GPM6A: variants seen among roughly 807,000 people sequenced by gnomAD.
GPM6A encodes the protein neuronal membrane glycoprotein M6-a.
Under a neutral mutation model 32.1 loss-of-function variants are expected in GPM6A, and 7 were observed. The observed-to-expected ratio is 0.22, with a 90% CI of 0.12 to 0.41. The LOEUF is 0.41. GPM6A is among the 10% of genes least tolerant of loss of function. GPM6A has a pLI of 1.00. For synonymous variants in GPM6A, 130 were observed against 123.4 expected (o/e 1.05, Z -0.35); for missense variants, 235 against 347.2 (o/e 0.68, Z 2.57).
At chr4:176,002,204 G>A (rs1472233692) in intron 1 of GPM6A, 4 of 1,238,462 alleles carry the variant, frequency 3.2e-6, no homozygotes, top group East Asian at 2.5e-5. Context: ...AACAGAGCTG[G>A]GAAGGACGCA....
At chr4:175,719,282 T>G (rs986089898) in intron 1 of GPM6A, among the ~76,000 whole-genome samples, 1 of 151,768 alleles carries the variant, frequency 6.6e-6, no homozygotes, top group Non-Finnish European at 1.5e-5. Context: ...CACTGCAACC[T>G]CTGCCTCCTG....
At chr4:175,803,572 A>G (rs569299259) in intron 1 of GPM6A, among the ~76,000 whole-genome samples, 44 of 152,284 alleles carry the variant, frequency 2.9e-4, no homozygotes, top group Non-Finnish European at 5.3e-4. Flanking sequence ...CCTAGTCTTT[A>G]TTACATCTAA....
chr4:175,978,714 T>C (rs902671219), intron 1 of GPM6A, among the ~76,000 whole-genome samples: 1 of 152,232 alleles, frequency 6.6e-6, no homozygotes, highest in Non-Finnish European at 1.5e-5. Flanking sequence ...TGGATTCAAG[T>C]ACTATAGGTT....
intron 1 of GPM6A, among the ~76,000 whole-genome samples, chr4:175,896,606 G>C (rs935817293): frequency 3.3e-5 from 5 of 151,978 alleles, no homozygotes; most frequent in Non-Finnish European, 5.9e-5. Context: ...ACTCCAAAAG[G>C]CTTCTGTTTC....
At chr4:175,983,454 T>G (rs538730047) in intron 1 of GPM6A, among the ~76,000 whole-genome samples, 128 of 152,320 alleles carry the variant, frequency 8.4e-4, no homozygotes, top group African/African-American at 2.8e-3. Context: ...TTAAGGAAGT[T>G]TACTTCTATT....
In GPM6A at chr4:175,633,392, C is replaced by T. The variant is rs908403519; in HGVS notation, c.*1513G>A. The T allele has an allele frequency of 6.6e-6, 1 of 152,388 alleles. No homozygotes were observed. Among genetic ancestry groups the T allele is most frequent in the Non-Finnish European group, 1.5e-5 (1 of 67,908 alleles). The allele number at this position is 152,388 out of a possible 1,614,324, so 9.4% of individuals were successfully genotyped here. A position where few individuals can be genotyped will look rare whatever the true frequency, so the allele number is the denominator to read the frequency against. On this transcript the variant is annotated 3_prime_UTR_variant, in exon 7 of 7. Coordinates refer to ENST00000393658, the MANE Select transcript of GPM6A (RefSeq NM_201591.3). ...TATCCCTAGTAGTACCCCCTACCTA[C>T]TACAAGAACTTGTAAAATTACTGAT... is the stretch of plus-strand genomic sequence containing the variant.
intron 1 of GPM6A, among the ~76,000 whole-genome samples, chr4:175,718,106 C>T (rs1020295602): frequency 6.6e-5 from 10 of 152,178 alleles, no homozygotes; most frequent in African/African-American, 1.4e-4. Flanking sequence ...GCTTATGTTA[C>T]GCCAGATATT....
chr4:175,941,603 T>A (rs928826209), intron 1 of GPM6A, among the ~76,000 whole-genome samples: 1 of 152,236 alleles, frequency 6.6e-6, no homozygotes, highest in Non-Finnish European at 1.5e-5. Context: ...CCATGTGTTC[T>A]CATTGTTCAA....
chr4:175,711,012 T>C (rs893272405), intron 1 of GPM6A, among the ~76,000 whole-genome samples: 4 of 152,180 alleles, frequency 2.6e-5, no homozygotes, highest in African/African-American at 9.7e-5. Flanking sequence ...AGTGCTTTCT[T>C]GCTTAGCTCC....
intron 1 of GPM6A, among the ~76,000 whole-genome samples, chr4:175,809,595 T>C (rs1734835683): frequency 1.3e-5 from 2 of 152,134 alleles, no homozygotes; most frequent in Admixed American, 6.6e-5. Context: ...ACATCAGGCA[T>C]GGGCTCATTG....
intron 1 of GPM6A, among the ~76,000 whole-genome samples, chr4:175,926,729 T>C (rs1457521252): frequency 6.6e-6 from 1 of 152,170 alleles, no homozygotes; most frequent in African/African-American, 2.4e-5. Context: ...TTCTCTAAGC[T>C]TACAGGAACC....
Position 175,792,030 on chromosome 4 carries a change from T to A in GPM6A, c.37+20161A>T, listed in dbSNP as rs928006460. 3.3e-5 allele frequency among the ~76,000 whole-genome samples: 5 copies of A among 152,294 alleles called. No homozygotes were observed. In the East Asian group the frequency reaches 9.6e-4, roughly 29 times the overall value. ...AAACAGTCATCAGTAAAATTAGCAT[T>A]GACATAAAAGAATTTATAAAGCTAC... On this transcript the variant is annotated intron_variant, in intron 1 of 6. Transcript: ENST00000393658.
At chr4:175,827,023 T>G (rs552282336) in intron 1 of GPM6A, among the ~76,000 whole-genome samples, 3 of 152,268 alleles carry the variant, frequency 2.0e-5, no homozygotes, top group African/African-American at 7.2e-5. Flanking sequence ...ACTAAATGTT[T>G]TAGGTACAAG....
intron 1 of GPM6A, among the ~76,000 whole-genome samples, chr4:175,725,502 A>C (rs1168751998): frequency 6.6e-6 from 1 of 152,082 alleles, no homozygotes; most frequent in Non-Finnish European, 1.5e-5. Flanking sequence ...AATATTGCCC[A>C]GCCTGGTCTA....
chr4:175,637,623 TATTA>T (rs1740814096), intron 6 of GPM6A, among the ~76,000 whole-genome samples: 1 of 25,742 alleles, frequency 3.9e-5, no homozygotes, highest in Non-Finnish European at 9.8e-5. Flanking sequence ...ATATAATATA[TATTA>T]TATATATATT....
rs939626429 is a variant in GPM6A at position 175,637,884 on chromosome 4, A to C, written c.684+2245T>G. On this transcript the variant is annotated intron_variant, in intron 6 of 6. Transcript: ENST00000393658. ...ATCTATTTATATATAATATTTATAT[A>C]TTATATATATATATATACATATATG... Among the ~76,000 whole-genome samples, 5 of 114,878 alleles carry C rather than the reference A, an allele frequency of 4.4e-5. No individual in the cohort carries two copies. In the East Asian group the frequency reaches 1.0e-3, roughly 24 times the overall value. 75.4% of individuals were successfully genotyped at this position (114,878 alleles called of 152,430 possible).
chr4:175,844,309 G>T (rs529314958), intron 1 of GPM6A, among the ~76,000 whole-genome samples: 1 of 152,264 alleles, frequency 6.6e-6, no homozygotes, highest in East Asian at 1.9e-4. Context: ...GATGTCATGA[G>T]ATCTCCAATG....
chr4:175,637,985 C>T (rs1740911293), intron 6 of GPM6A, among the ~76,000 whole-genome samples: 1 of 143,890 alleles, frequency 6.9e-6, no homozygotes, highest in Non-Finnish European at 1.5e-5. Context: ...ACAAGCATTT[C>T]CTCTGGCCTT....
At chr4:175,818,147 T>C (rs910795976) in intron 1 of GPM6A, among the ~76,000 whole-genome samples, 2 of 152,214 alleles carry the variant, frequency 1.3e-5, no homozygotes, top group Admixed American at 6.5e-5. Flanking sequence ...TAGAACTGGC[T>C]GGAAAGATTG....
Sources: gnomAD v4.1 joint callset for allele counts (sites outside exome capture counted in the v4.1 genomes callset) on GRCh38, gnomAD v4.1.1 for gene constraint, MANE v1.5 for transcripts, NCBI Gene and HGNC (gene_info 2026-07-23, HGNC 2026-07-21) for gene names.